The following PLA2G4E variants were observed in gnomAD, a reference collection of about 807,000 sequenced individuals.
The protein encoded by PLA2G4E is phospholipase A2 group IVE.
In PLA2G4E, 84 loss-of-function variants were observed where a neutral mutation model predicts 109.1. That is an observed-to-expected ratio of 0.77 (90% CI 0.65 to 0.92). The LOEUF (loss-of-function observed/expected upper bound fraction) is 0.92. PLA2G4E is among the 40% of genes least tolerant of loss of function. PLA2G4E has a pLI of 0.00. For synonymous variants in PLA2G4E, 469 were observed against 436.1 expected (o/e 1.08, Z -0.94); for missense variants, 1,057 against 1,076.6 (o/e 0.98, Z 0.25).
At chr15:42,040,646 C>G (rs921050453) in intron 1 of PLA2G4E, among the ~76,000 whole-genome samples, 1 of 152,184 alleles carries the variant, frequency 6.6e-6, no homozygotes, top group African/African-American at 2.4e-5. Flanking sequence ...TCCCAATAAA[C>G]TAAAATCTCT....
intron 5 of PLA2G4E, 60 bp from the exon 6 acceptor site, chr15:42,002,756 T>G: frequency 2.8e-6 from 4 of 1,440,750 alleles, no homozygotes; most frequent in Non-Finnish European, 3.8e-6. Context: ...TTTCTTCTAA[T>G]GGCGACAAAG....
chr15:42,040,230 T>G (rs956704459), intron 1 of PLA2G4E, among the ~76,000 whole-genome samples: 3 of 151,924 alleles, frequency 2.0e-5, no homozygotes, highest in African/African-American at 4.8e-5. Flanking sequence ...ACACACACAC[T>G]ACAGTATTTA....
At chr15:42,024,366 G>A (rs2068675100) in intron 1 of PLA2G4E, among the ~76,000 whole-genome samples, 10 of 152,168 alleles carry the variant, frequency 6.6e-5, no homozygotes, top group Admixed American at 5.9e-4. Context: ...ACCCAGCACT[G>A]ATGACCAGGG....
exon 8 of PLA2G4E, chr15:42,000,160 T>C: frequency 6.3e-7 from 1 of 1,595,634 alleles, no homozygotes; most frequent in South Asian, 1.1e-5. Context: ...TGGAAGTACT[T>C]GGGGTAGTGG....
At chr15:42,050,401 G>T in intron 1 of PLA2G4E, 3 of 1,226,888 alleles carry the variant, frequency 2.4e-6, no homozygotes, top group Non-Finnish European at 3.3e-6. Context: ...CGGAGAGAAA[G>T]AAATGAACAA....
chr15:42,038,932 G>A (rs773164427), intron 1 of PLA2G4E, among the ~76,000 whole-genome samples: 2 of 152,004 alleles, frequency 1.3e-5, no homozygotes, highest in Non-Finnish European at 2.9e-5. Context: ...TATACGATGG[G>A]GTATCATCTG....
At chr15:41,992,023 A>T (rs1289243392) in intron 13 of PLA2G4E, among the ~76,000 whole-genome samples, 1 of 152,214 alleles carries the variant, frequency 6.6e-6, no homozygotes, top group East Asian at 1.9e-4. Flanking sequence ...CTCTCACAGC[A>T]GCAGCCACCC....
chr15:41,986,350 C>A (rs1013822557), intron 17 of PLA2G4E, among the ~76,000 whole-genome samples: 3 of 152,154 alleles, frequency 2.0e-5, no homozygotes, highest in Non-Finnish European at 2.9e-5. Flanking sequence ...AGGCCACGGC[C>A]AATTAAAATA....
intron 16 of PLA2G4E, among the ~76,000 whole-genome samples, 195 bp downstream of exon 16, chr15:41,987,854 C>A (rs537639835): frequency 1.2e-3 from 183 of 152,190 alleles, no homozygotes; most frequent in African/African-American, 4.3e-3. Context: ...GTGGTCCACA[C>A]CCCGCCCCCC....
chr15:42,003,146 A>C (rs1462119883), intron 5 of PLA2G4E, among the ~76,000 whole-genome samples: 6 of 152,248 alleles, frequency 3.9e-5, no homozygotes, highest in Non-Finnish European at 7.3e-5. Context: ...TGAATGTTAA[A>C]TGCCCTTGTG....
At chr15:42,010,727 G>A (rs1354195243) in intron 2 of PLA2G4E, among the ~76,000 whole-genome samples, 1 of 152,134 alleles carries the variant, frequency 6.6e-6, no homozygotes, top group East Asian at 1.9e-4. Flanking sequence ...ATCCCTTGGG[G>A]TGCTGGTTTC....
chr15:41,989,090 G>A (rs1167767077), intron 15 of PLA2G4E, among the ~76,000 whole-genome samples: 1 of 152,148 alleles, frequency 6.6e-6, no homozygotes, highest in Non-Finnish European at 1.5e-5. Context: ...GGTCTCCCTG[G>A]ACCCTCGGGT....
rs374191001 is a variant in PLA2G4E, at chr15:42,002,675, G to A, written c.588C>T (p.Leu196=). Residue 196 remains leucine, a synonymous_variant, in exon 6 of 20, where the codon CTC becomes CTT. Coordinates refer to ENST00000399518, the Ensembl canonical transcript of PLA2G4E. The stretch of plus-strand genomic sequence containing the variant: ...TTACCACCAGCACGCCATTGGTGAC[G>A]AGGGTCTCAGGTGGAGAGGGACTGA... The A allele has an allele frequency of 4.4e-4, 690 of 1,584,660 alleles. 3 individuals are homozygous for A. The African/African-American group carries it at 8.2e-3, about 19-fold the overall frequency.
exon 20 of PLA2G4E, chr15:41,983,649 A>T: frequency 9.4e-7 from 1 of 1,065,460 alleles, no homozygotes. Context: ...GCTCACACCC[A>T]TTGCCGGAGA....
chr15:41,989,664 A>G (rs1419368758), intron 14 of PLA2G4E, 112 bp from the exon 15 acceptor site: 8 of 1,406,054 alleles, frequency 5.7e-6, no homozygotes, highest in Non-Finnish European at 7.6e-6. Flanking sequence ...AGCCTGGGAC[A>G]GGGAGGCCGC....
intron 4 of PLA2G4E, among the ~76,000 whole-genome samples, chr15:42,005,716 G>A (rs988647902): frequency 6.6e-6 from 1 of 152,246 alleles, no homozygotes; most frequent in Admixed American, 6.5e-5. Context: ...ACTGCTAGTT[G>A]CCTGAATTAT....
rs568968755 is a variant in PLA2G4E, at chr15:42,050,395, G to A, written c.183+126C>T. ...AGCAGGGTAAAGGGACTCCTCCGGA[G>A]AGAAAGAAATGAACAAAAACCACAA... On this transcript the variant is annotated intron_variant, in intron 1 of 19. Coordinates refer to ENST00000399518, the Ensembl canonical transcript of PLA2G4E. 1.5e-5 allele frequency: 17 copies of A among 1,165,910 alleles called. No individual in the cohort carries two copies. In the African/African-American group the frequency reaches 1.9e-4, roughly 13 times the overall value. 72.2% of individuals were successfully genotyped at this position (1,165,910 alleles called of 1,614,324 possible).
chr15:41,984,722 T>C (rs2068113218), intron 18 of PLA2G4E, 103 bp from the exon 19 acceptor site: 4 of 1,113,424 alleles, frequency 3.6e-6, no homozygotes, highest in Non-Finnish European at 4.9e-6. Context: ...AGCTAACAAC[T>C]CAGCTCCCCA....
chr15:41,984,889 T>C (rs370241272), intron 18 of PLA2G4E, among the ~76,000 whole-genome samples: 2 of 152,270 alleles, frequency 1.3e-5, no homozygotes, highest in East Asian at 3.9e-4. Context: ...CAGACTTGGG[T>C]GGATGTGGTG....
Sources: gnomAD v4.1 joint callset for allele counts (sites outside exome capture counted in the v4.1 genomes callset) on GRCh38, gnomAD v4.1.1 for gene constraint, MANE v1.5 for transcripts, NCBI Gene and HGNC (gene_info 2026-07-23, HGNC 2026-07-21) for gene names.